The following CRACD variants were observed in gnomAD, a reference collection of about 807,000 sequenced individuals.
CRACD encodes capping protein-inhibiting regulator of actin dynamics.
CRACD carries 56 observed loss-of-function variants against 106.8 expected under a neutral mutation model. The observed-to-expected ratio is 0.52, with a 90% CI of 0.42 to 0.66. The LOEUF (loss-of-function observed/expected upper bound fraction) is 0.66. Ranked by LOEUF, CRACD falls within the 30% of genes least tolerant of loss-of-function variation. The pLI, the probability that CRACD is intolerant of heterozygous loss-of-function variation, is 0.00. For synonymous variants in CRACD, 754 were observed against 670.8 expected, an observed-to-expected ratio of 1.12 and a Z score of -1.92; for missense variants, 1,730 against 1,623.2, an observed-to-expected ratio of 1.07 and a Z score of -1.13.
At chr4:56,101,987 C>G (rs569909625) in intron 1 of CRACD, among the ~76,000 whole-genome samples, 12 of 152,058 alleles carry the variant, frequency 7.9e-5, no homozygotes, top group Admixed American at 7.2e-4. Flanking sequence ...TTTCTTTAAT[C>G]TCTTGCTGAT....
At chr4:56,096,364 C>T (rs1164695461) in intron 1 of CRACD, among the ~76,000 whole-genome samples, 1 of 152,048 alleles carries the variant, frequency 6.6e-6, no homozygotes, top group African/African-American at 2.4e-5. Context: ...TGAGCAAAAG[C>T]CTGCGAAGTA....
chr4:56,141,775 C>CCTTG (rs1735210160), intron 1 of CRACD, among the ~76,000 whole-genome samples: 1 of 146,454 alleles, frequency 6.8e-6, no homozygotes, highest in Non-Finnish European at 1.5e-5. Flanking sequence ...CTCACTGCAG[C>CCTTG]CTTGACCTCC....
At chr4:56,064,226 A>G (rs1732382571) in intron 1 of CRACD, among the ~76,000 whole-genome samples, 1 of 152,194 alleles carries the variant, frequency 6.6e-6, no homozygotes, top group African/African-American at 2.4e-5. Context: ...GGAATTGTTT[A>G]TGTATTCTGG....
chr4:56,122,699 C>A (rs1577677391), intron 1 of CRACD, among the ~76,000 whole-genome samples: 1 of 152,316 alleles, frequency 6.6e-6, no homozygotes, highest in Non-Finnish European at 1.5e-5. Flanking sequence ...CACTCTCAGA[C>A]AGGCAGGAGA....
intron 2 of CRACD, among the ~76,000 whole-genome samples, chr4:56,266,475 C>A (rs184054643): frequency 6.6e-6 from 1 of 152,294 alleles, no homozygotes; most frequent in African/African-American, 2.4e-5. Context: ...AACCACCCAG[C>A]AAAAGTAAAT....
intron 10 of CRACD, among the ~76,000 whole-genome samples, chr4:56,326,983 T>G (rs370028120): frequency 4.6e-5 from 7 of 151,904 alleles, no homozygotes. Flanking sequence ...CAAGTGATCC[T>G]CCCTCCTTGA....
At chr4:56,224,617 C>T (rs558981598) in intron 2 of CRACD, among the ~76,000 whole-genome samples, 20 of 152,276 alleles carry the variant, frequency 1.3e-4, no homozygotes, top group African/African-American at 4.8e-4. Flanking sequence ...TAGATGTTGG[C>T]ATGGATGTGG....
At chr4:56,148,876 C>T (rs1223167665) in intron 1 of CRACD, among the ~76,000 whole-genome samples, 1 of 150,708 alleles carries the variant, frequency 6.6e-6, no homozygotes, top group Non-Finnish European at 1.5e-5. Flanking sequence ...AGTGCAGTGG[C>T]GTGATCTCGG....
chr4:56,129,604 A>C (rs1462957330), intron 1 of CRACD, among the ~76,000 whole-genome samples: 1 of 152,150 alleles, frequency 6.6e-6, no homozygotes, highest in African/African-American at 2.4e-5. Context: ...TGCCTAGGTG[A>C]TGGTCACCTG....
chr4:56,314,483 C>G lies in CRACD; in HGVS notation c.981C>G (p.Ala327=). 7.2e-6 allele frequency: 11 copies of G among 1,526,054 alleles called. No individual in the cohort carries two copies. Among genetic ancestry groups the G allele is most frequent in the Non-Finnish European group, 9.7e-6 (11 of 1,137,872 alleles). 94.5% of individuals were successfully genotyped at this position (1,526,054 alleles called of 1,614,324 possible). Residue 327 remains alanine, a synonymous_variant, in exon 8 of 11, where the codon GCC becomes GCG. Coordinates refer to ENST00000682029, the MANE Select transcript of CRACD (RefSeq NM_001393381.1). This position sits in a 1 kb window ranked among gnomAD's most constrained non-coding sequence, Gnocchi z 4.4. The part of the protein sequence containing the change: ...EEERRRLQAQ[A]QAEERRRLEE... Reference sequence around the variant, plus strand: ...AGCGAAGGCGTCTGCAGGCCCAGGCCCAAGCGGAGGAGAGGCGGCGGCTGG... The same window carrying G: ...AGCGAAGGCGTCTGCAGGCCCAGGCGCAAGCGGAGGAGAGGCGGCGGCTGG...
At chr4:56,221,130 T>A (rs971294073) in intron 2 of CRACD, among the ~76,000 whole-genome samples, 1 of 152,122 alleles carries the variant, frequency 6.6e-6, no homozygotes, top group Non-Finnish European at 1.5e-5. Flanking sequence ...TTGAACTTGA[T>A]CCTGTAGTTA....
At chr4:56,062,386 G>A (rs1318443596) in intron 1 of CRACD, among the ~76,000 whole-genome samples, 1 of 152,160 alleles carries the variant, frequency 6.6e-6, no homozygotes, top group Non-Finnish European at 1.5e-5. Flanking sequence ...GATGATTCTT[G>A]TTGAATTAAG....
At chr4:56,267,172 T>G (rs1272114140) in intron 2 of CRACD, among the ~76,000 whole-genome samples, 5 of 151,848 alleles carry the variant, frequency 3.3e-5, no homozygotes, top group African/African-American at 1.2e-4. Context: ...TCGGGCTGGA[T>G]TGCAGTGGTG....
At chr4:56,103,519 A>G (rs116043201) in intron 1 of CRACD, among the ~76,000 whole-genome samples, 270 of 152,346 alleles carry the variant, frequency 1.8e-3, no homozygotes, top group Non-Finnish European at 2.7e-3. Flanking sequence ...AGGGTACAAC[A>G]TAAGAATAAG....
intron 1 of CRACD, among the ~76,000 whole-genome samples, chr4:56,108,310 G>A (rs1236336999): frequency 2.0e-5 from 3 of 152,086 alleles, no homozygotes; most frequent in Non-Finnish European, 1.5e-5. Flanking sequence ...ACATTGTGAA[G>A]GACACAACAT....
intron 2 of CRACD, among the ~76,000 whole-genome samples, chr4:56,242,350 T>C (rs1268336582): frequency 6.6e-6 from 1 of 152,152 alleles, no homozygotes; most frequent in East Asian, 1.9e-4. Flanking sequence ...TTTCCAGTAA[T>C]AGCATCATAT....
chr4:56,150,987 C>T (rs1735557992), intron 1 of CRACD, among the ~76,000 whole-genome samples: 1 of 152,018 alleles, frequency 6.6e-6, no homozygotes, highest in South Asian at 2.1e-4. Flanking sequence ...TGAGGGTTTT[C>T]TTTTTTATAT....
intron 1 of CRACD, among the ~76,000 whole-genome samples, chr4:56,104,210 A>T (rs1237787696): frequency 6.6e-6 from 1 of 152,124 alleles, no homozygotes; most frequent in Non-Finnish European, 1.5e-5. Context: ...CAGCCTGAGC[A>T]ACATAGATAG....
chr4:56,085,749 T>C (rs1733196124), intron 1 of CRACD, among the ~76,000 whole-genome samples: 2 of 152,132 alleles, frequency 1.3e-5, no homozygotes, highest in African/African-American at 4.8e-5. Context: ...CTGTTCTGTA[T>C]GAAAGAAAAG....
Sources: allele counts gnomAD v4.1 joint callset (sites outside exome capture counted in the v4.1 genomes callset), GRCh38; gene constraint gnomAD v4.1.1; non-coding constraint Gnocchi (gnomAD v3.1); transcripts MANE v1.5; gene names NCBI Gene and HGNC (gene_info 2026-07-23, HGNC 2026-07-21).